Variants in ACAN observed in about 807,000 individuals in gnomAD.
ACAN encodes aggrecan.
A neutral mutation model predicts 169.1 loss-of-function variants in ACAN; 47 were observed. The observed-to-expected ratio is 0.28, with a 90% CI of 0.22 to 0.35. The LOEUF (loss-of-function observed/expected upper bound fraction) is 0.35. Ranked by LOEUF, ACAN falls within the 10% of genes least tolerant of loss-of-function variation. ACAN has a pLI of 1.00. For synonymous variants in ACAN, 1,115 were observed against 1,112.2 expected, an observed-to-expected ratio of 1.00 and a Z score of -0.05; for missense variants, 2,716 against 2,759.9, an observed-to-expected ratio of 0.98 and a Z score of 0.36.
intron 1 of ACAN, among the ~76,000 whole-genome samples, chr15:88,806,666 G>T (rs1567160748): frequency 6.6e-6 from 1 of 152,084 alleles, no homozygotes; most frequent in Non-Finnish European, 1.5e-5. Flanking sequence ...TCTTTTTAAT[G>T]ATTCCTTCTA....
intron 1 of ACAN, among the ~76,000 whole-genome samples, chr15:88,818,130 G>C (rs1895988663): frequency 6.6e-6 from 1 of 152,324 alleles, no homozygotes; most frequent in African/African-American, 2.4e-5. Flanking sequence ...CTCTCTACCA[G>C]AGACAGGAAG....
At position 88,855,405 on chromosome 15, in the gene ACAN, A is replaced by G; in HGVS notation, c.2820A>G (p.Gly940=). ...STPTVGELPS[G]AEILEGSASG... is the part of the protein sequence containing the mutation. Reference sequence around the variant, plus strand: ...CTACGGTTGGTGAACTGCCCTCTGGAGCTGAGATCCTAGAGGGCTCTGCCT... The same window carrying G: ...CTACGGTTGGTGAACTGCCCTCTGGGGCTGAGATCCTAGAGGGCTCTGCCT... Residue 940 remains glycine, a synonymous_variant, in exon 12 of 19, where the codon GGA becomes GGG. Transcript: ENST00000560601. 3 of 1,613,712 alleles carry G rather than the reference A, an allele frequency of 1.9e-6. No individual in the cohort carries two copies. The highest frequency in any genetic ancestry group is 2.5e-6 in the Non-Finnish European group (3 of 1,179,830).
chr15:88,848,845 T>G (rs1433481444), intron 9 of ACAN, among the ~76,000 whole-genome samples: 3 of 152,198 alleles, frequency 2.0e-5, no homozygotes, highest in Non-Finnish European at 4.4e-5. Context: ...CATCAGAGGT[T>G]TTTTTGAGTA....
chr15:88,836,312 T>C, intron 2 of ACAN, 36 bp downstream of exon 2: 1 of 1,549,094 alleles, frequency 6.5e-7, no homozygotes, highest in South Asian at 1.1e-5. Context: ...ACGTATTCAG[T>C]AGGCATGAGT....
intron 1 of ACAN, among the ~76,000 whole-genome samples, chr15:88,819,416 G>A (rs930409697): frequency 2.4e-4 from 36 of 152,216 alleles, no homozygotes; most frequent in Non-Finnish European, 3.8e-4. Context: ...TGGAGAACCC[G>A]TCTGTAGCAG....
chr15:88,860,545 G>GCTCAGGCTT lies in ACAN; in HGVS notation c.6946+114_6946+115insTCTCAGGCT, dbSNP rs111239442. The GCTCAGGCTT allele has an allele frequency of 0.053, 45,171 of 857,484 alleles. 2,442 individuals carry two copies. The highest frequency in any genetic ancestry group is 0.22 in the African/African-American group (13,098 of 58,838). 53.1% of individuals were successfully genotyped at this position (857,484 alleles called of 1,614,324 possible). A position where few individuals can be genotyped will look rare whatever the true frequency, so the allele number is the denominator to read the frequency against. The stretch of plus-strand genomic sequence containing the variant: ...GAGGAGGCAACCAAGGTCCACTGAG[G>GCTCAGGCTT]CTCAGGCTGGGAAGGAGCTGCATGA... On this transcript the variant is annotated intron_variant, in intron 13 of 18. Coordinates refer to ENST00000560601, the MANE Select transcript of ACAN (RefSeq NM_001369268.1).
chr15:88,874,084 C>A lies in ACAN; in HGVS notation c.7630+60C>A. ...GGTTAGATTCTGCCAGCACAGCCTT[C>A]CCCCCGTCCCCTCTCCTGGGGACCC... On this transcript the variant is annotated intron_variant, in intron 18 of 18. Transcript: ENST00000560601. The surrounding 1 kb of genome is among the most constrained non-coding windows in gnomAD (Gnocchi z 7.3). 1 of 1,584,412 alleles carries A rather than the reference C, an allele frequency of 6.3e-7. No homozygotes were observed. The highest frequency in any genetic ancestry group is 8.5e-7 in the Non-Finnish European group (1 of 1,169,864).
rs1395160929 is a variant in ACAN, at chr15:88,873,923, T to A, written c.7529T>A (p.Val2510Glu). The A allele has an allele frequency of 6.2e-7, 1 of 1,613,696 alleles. No individual in the cohort carries two copies. The highest frequency in any genetic ancestry group is 1.1e-5 in the South Asian group (1 of 91,078). The change falls in exon 18 of 19, where the codon GTG becomes GAG. Residue 2510 changes from valine to glutamate, a missense_variant. Transcript: ENST00000560601. This position sits in a 1 kb window ranked among gnomAD's most constrained non-coding sequence, Gnocchi z 7.5. ...GACCGGTATGAGATCAATTCCCTGG[T>A]GCGGTACCAGTGCACAGAGGGGTTT... ...KKDRYEINSLVRYQCTEGFVQ... is the reference protein window; with the variant it reads ...KKDRYEINSLERYQCTEGFVQ...
At chr15:88,840,647 C>T (rs1376559214) in intron 4 of ACAN, among the ~76,000 whole-genome samples, 1 of 152,026 alleles carries the variant, frequency 6.6e-6, no homozygotes, top group Non-Finnish European at 1.5e-5. Context: ...GATCTCAATG[C>T]ACTGTGAAGG....
chr15:88,845,233 C>T (rs1328941403), intron 6 of ACAN, among the ~76,000 whole-genome samples: 1 of 152,224 alleles, frequency 6.6e-6, no homozygotes, highest in African/African-American at 2.4e-5. Context: ...GGGGTGGGAA[C>T]TGATCTTTAT....
chr15:88,805,429 G>A (rs917836836), intron 1 of ACAN, among the ~76,000 whole-genome samples: 1 of 152,204 alleles, frequency 6.6e-6, no homozygotes, highest in Non-Finnish European at 1.5e-5. Flanking sequence ...TTCAGAAGAA[G>A]GAATTGTCCA....
rs568033777 is a variant in ACAN at position 88,804,680 on chromosome 15, G to C, written c.-8+871G>C. Among the ~76,000 whole-genome samples, 13 of 152,314 alleles carry C rather than the reference G, an allele frequency of 8.5e-5. 1 individual carries two copies. In the South Asian group the frequency reaches 2.7e-3, roughly 32 times the overall value. Reference sequence around the variant, plus strand: ...CTGAACCACACTCTGGGCAGAGCAAGCTGCGGGGGTGGGGGCTTGTCTCTG... The same window carrying C: ...CTGAACCACACTCTGGGCAGAGCAACCTGCGGGGGTGGGGGCTTGTCTCTG... On this transcript the variant is annotated intron_variant, in intron 1 of 18. Coordinates refer to ENST00000560601, the MANE Select transcript of ACAN (RefSeq NM_001369268.1).
chr15:88,821,947 G>T (rs1896086852), intron 1 of ACAN, among the ~76,000 whole-genome samples: 1 of 152,238 alleles, frequency 6.6e-6, no homozygotes, highest in African/African-American at 2.4e-5. Context: ...GGCCAGGAGA[G>T]ACCAGGCATG....
At position 88,866,279 on chromosome 15, in the gene ACAN, C is replaced by T. The variant is rs571004320; in HGVS notation, c.6947-1937C>T. Among the ~76,000 whole-genome samples, 3 of 152,320 alleles carry T rather than the reference C, an allele frequency of 2.0e-5. No homozygotes were observed. In the South Asian group the frequency reaches 6.2e-4, roughly 32 times the overall value. On this transcript the variant is annotated intron_variant, in intron 13 of 18. Coordinates refer to ENST00000560601, the MANE Select transcript of ACAN (RefSeq NM_001369268.1). The surrounding 1 kb of genome is among the most constrained non-coding windows in gnomAD (Gnocchi z 5.6). ...TTTACTCTTCTCCCCAGAGGCCACTCCTGTTCCCTGCTCTGTACAACTGCT... is the reference window on the plus strand; with the variant it reads ...TTTACTCTTCTCCCCAGAGGCCACTTCTGTTCCCTGCTCTGTACAACTGCT...
In ACAN at chr15:88,874,376, G is replaced by A; in HGVS notation, c.7631-29G>A. On this transcript the variant is annotated intron_variant, in intron 18 of 18. Transcript: ENST00000560601. This position sits in a 1 kb window ranked among gnomAD's most constrained non-coding sequence, Gnocchi z 7.3. ...GCCCCACTTTCTTTCCAGGTCCACT[G>A]ATATCTTTCCATCTCCCTTTCGTCC... 1 of 1,568,812 alleles carries A rather than the reference G, an allele frequency of 6.4e-7. No homozygotes were observed. The highest frequency in any genetic ancestry group is 8.7e-7 in the Non-Finnish European group (1 of 1,153,514).
intron 13 of ACAN, among the ~76,000 whole-genome samples, chr15:88,864,807 C>T (rs188711137): frequency 2.0e-4 from 31 of 152,350 alleles, no homozygotes; most frequent in Admixed American, 1.6e-3. Context: ...TCCAGAATCA[C>T]CACATACAGC....
Position 88,872,105 on chromosome 15 carries a change from C to T in ACAN, c.7302+20C>T. 6.2e-7 allele frequency: 1 copy of T among 1,608,958 alleles called. No homozygotes were observed. Among genetic ancestry groups the T allele is most frequent in the African/African-American group, 1.3e-5 (1 of 74,962 alleles). Reference sequence around the variant, plus strand: ...CCCATGGTGAGTTCTGCTGTAGGCACAGCTGGTGGCCCAGGGGACAGGGAG... The same window carrying T: ...CCCATGGTGAGTTCTGCTGTAGGCATAGCTGGTGGCCCAGGGGACAGGGAG... On this transcript the variant is annotated intron_variant, in intron 16 of 18. Transcript: ENST00000560601. This position sits in a 1 kb window ranked among gnomAD's most constrained non-coding sequence, Gnocchi z 5.4.
chr15:88,803,887 C>T (rs911036974), intron 1 of ACAN, 78 bp downstream of exon 1: 5 of 152,330 alleles, frequency 3.3e-5, no homozygotes, highest in African/African-American at 9.6e-5. Context: ...GACTGCACGC[C>T]CCGGGGCTGG....
Position 88,845,517 on chromosome 15 carries a change from T to C in ACAN, c.1064T>C (p.Val355Ala), listed in dbSNP as rs755711052. The C allele has an allele frequency of 6.2e-7, 1 of 1,607,942 alleles. No individual in the cohort carries two copies. The highest frequency in any genetic ancestry group is 8.5e-7 in the Non-Finnish European group (1 of 1,175,602). ...GCCCCTCCCCTAGGTGAAGACTTTGTGGACATCCCAGAAAACTTCTTTGGA... is the reference window on the plus strand; with the variant it reads ...GCCCCTCCCCTAGGTGAAGACTTTGCGGACATCCCAGAAAACTTCTTTGGA... ...DAICYTGEDF[V>A]DIPENFFGVG... is the part of the protein sequence containing the mutation. The change falls in exon 7 of 19, where the codon GTG becomes GCG. Residue 355 changes from valine (V) to alanine (A), a missense_variant. Val to Ala is a moderately conservative substitution (Grantham distance 64). Coordinates refer to ENST00000560601, the MANE Select transcript of ACAN (RefSeq NM_001369268.1).
Sources: allele counts gnomAD v4.1 joint callset (sites outside exome capture counted in the v4.1 genomes callset), GRCh38; gene constraint gnomAD v4.1.1; non-coding constraint Gnocchi (gnomAD v3.1); transcripts MANE v1.5; gene names NCBI Gene and HGNC (gene_info 2026-07-23, HGNC 2026-07-21).